Variants in ATG7 observed in about 807,000 individuals in gnomAD.
ATG7 encodes autophagy related 7.
Under a neutral mutation model 82.4 loss-of-function variants are expected in ATG7, and 70 were observed. The ratio of observed to expected loss-of-function variants is 0.85; its 90% CI spans 0.70 to 1.04. The LOEUF (loss-of-function observed/expected upper bound fraction) is 1.04, where lower values mean the gene tolerates loss of function less well. ATG7 is among the 50% of genes least tolerant of loss of function. The pLI, the probability that ATG7 is intolerant of heterozygous loss-of-function variation, is 0.00. For synonymous variants in ATG7, 287 were observed against 313.0 expected, an observed-to-expected ratio of 0.92 and a Z score of 0.88; for missense variants, 792 against 864.3, an observed-to-expected ratio of 0.92 and a Z score of 1.05.
At chr3:11,575,008 A>G in the ATG7 span, among the ~76,000 whole-genome samples, 1 of 152,160 alleles carries the variant, frequency 6.6e-6, no homozygotes, top group Non-Finnish European at 1.5e-5. Context: ...ATAAAGCCGC[A>G]GATCTTTTCA....
chr3:11,437,933 G>A (rs999259811), intron 20 of ATG7, among the ~76,000 whole-genome samples: 6 of 152,078 alleles, frequency 3.9e-5, no homozygotes, highest in African/African-American at 1.4e-4. Flanking sequence ...GTACATGTCC[G>A]AATTTTCCCA....
At chr3:11,317,627 C>G (rs913957223) in intron 9 of ATG7, among the ~76,000 whole-genome samples, 4 of 127,150 alleles carry the variant, frequency 3.1e-5, no homozygotes, top group African/African-American at 1.2e-4. Context: ...GAGTCTTGCT[C>G]TGTCGCCCAG....
At chr3:11,512,059 G>C (rs968202220) in intron 20 of ATG7, among the ~76,000 whole-genome samples, 1 of 152,192 alleles carries the variant, frequency 6.6e-6, no homozygotes, top group Non-Finnish European at 1.5e-5. Context: ...GCAGTGGGGG[G>C]CTGAAGGGCT....
chr3:11,514,744 C>T (rs1385251376), intron 20 of ATG7, among the ~76,000 whole-genome samples: 1 of 152,200 alleles, frequency 6.6e-6, no homozygotes, highest in Admixed American at 6.5e-5. Flanking sequence ...TTAATCAATC[C>T]CCTGGCACAG....
chr3:11,438,492 G>C (rs898335604), intron 20 of ATG7, among the ~76,000 whole-genome samples: 21 of 152,232 alleles, frequency 1.4e-4, no homozygotes, highest in Middle Eastern at 3.4e-3. Context: ...CTTGAACCCG[G>C]GAGGTGGAGG....
intron 11 of ATG7, among the ~76,000 whole-genome samples, chr3:11,333,630 A>ATGTG (rs755869656): frequency 1.3e-5 from 2 of 150,702 alleles, no homozygotes; most frequent in Non-Finnish European, 2.9e-5. Context: ...AGAGAGATAT[A>ATGTG]TGTGTGTGTG....
At chr3:11,475,868 G>GACACACACACACACACACACACACACAC (rs3219674) in intron 20 of ATG7, among the ~76,000 whole-genome samples, 4 of 111,128 alleles carry the variant, frequency 3.6e-5, no homozygotes, top group African/African-American at 3.6e-5. Flanking sequence ...CTGTCTCTGA[G>GACACACACACACACACACACACACACAC]ACACACACAC....
chr3:11,566,153 C>A, the ATG7 span, among the ~76,000 whole-genome samples: 2 of 152,218 alleles, frequency 1.3e-5, 1 homozygote, highest in Admixed American at 1.3e-4. Context: ...GTTACACACA[C>A]AATGAATGTT....
chr3:11,417,303 C>G (rs1385679046), intron 19 of ATG7, among the ~76,000 whole-genome samples: 4 of 152,186 alleles, frequency 2.6e-5, no homozygotes, highest in African/African-American at 9.7e-5. Flanking sequence ...GTAGATTCGT[C>G]TATTTCTTCT....
chr3:11,276,042 A>G (rs767853128), intron 1 of ATG7, among the ~76,000 whole-genome samples: 14 of 152,142 alleles, frequency 9.2e-5, no homozygotes, highest in East Asian at 1.9e-4. Context: ...TTTTGACACT[A>G]TTACACTAGT....
chr3:11,564,750 C>T, the ATG7 span: 1 of 1,531,236 alleles, frequency 6.5e-7, no homozygotes, highest in Non-Finnish European at 8.7e-7. Context: ...CAGCCCAGTC[C>T]CCCAGCCCCT....
chr3:11,339,092 CA>C (rs1953033454), intron 11 of ATG7, among the ~76,000 whole-genome samples: 1 of 151,942 alleles, frequency 6.6e-6, no homozygotes, highest in Non-Finnish European at 1.5e-5. Context: ...GTCAGGAGAT[CA>C]AGACCATCCT....
At chr3:11,436,015 G>C (rs991547184) in intron 20 of ATG7, among the ~76,000 whole-genome samples, 1 of 152,086 alleles carries the variant, frequency 6.6e-6, no homozygotes, top group Non-Finnish European at 1.5e-5. Flanking sequence ...TGAGTGTATC[G>C]TTTGAGCCCA....
chr3:11,360,597 C>T lies in ATG7; in HGVS notation c.1496C>T (p.Ala499Val). 1 of 1,613,780 alleles carries T rather than the reference C, an allele frequency of 6.2e-7. No individual in the cohort carries two copies. Among genetic ancestry groups the T allele is most frequent in the Middle Eastern group, 1.7e-4 (1 of 5,804 alleles). The change falls in exon 16 of 21, where the codon GCT becomes GTT. Residue 499 changes from alanine (A) to valine (V), a missense_variant. Coordinates refer to ENST00000693202, the MANE Select transcript of ATG7 (RefSeq NM_001349232.2). ...ASKRKLVINA[A>V]LGFDTFVVMR... Reference sequence around the variant, plus strand: ...AACCTGCAGCTGGTCATCAATGCTGCTTTGGGATTTGACACATTTGTTGTC... The same window carrying T: ...AACCTGCAGCTGGTCATCAATGCTGTTTTGGGATTTGACACATTTGTTGTC...
the ATG7 span, chr3:11,568,783 G>A: frequency 1.4e-6 from 2 of 1,471,916 alleles, no homozygotes; most frequent in Non-Finnish European, 1.8e-6. The surrounding 1 kb of genome is among the most constrained non-coding windows in gnomAD (Gnocchi z 5.9). Context: ...CTCCTGGTCA[G>A]GACTGTGCCC....
intron 20 of ATG7, among the ~76,000 whole-genome samples, chr3:11,488,885 C>T (rs940962847): frequency 8.5e-5 from 13 of 152,136 alleles, no homozygotes; most frequent in Non-Finnish European, 1.6e-4. Context: ...GTGTCTCTGC[C>T]AGGCTTTGGT....
intron 20 of ATG7, among the ~76,000 whole-genome samples, chr3:11,429,668 C>CT (rs2082688445): frequency 6.6e-6 from 1 of 151,696 alleles, no homozygotes; most frequent in Non-Finnish European, 1.5e-5. Flanking sequence ...ATACTCTGGG[C>CT]TGGGCATGGT....
intron 20 of ATG7, among the ~76,000 whole-genome samples, chr3:11,466,238 G>A (rs896507234): frequency 2.0e-5 from 3 of 152,146 alleles, no homozygotes; most frequent in Non-Finnish European, 4.4e-5. Flanking sequence ...ACTTGCCAGG[G>A]GCTTGAAGGA....
In ATG7 at chr3:11,557,655, T is replaced by C. The variant is rs1161349250; in HGVS notation, c.*2812T>C. Reference sequence around the variant, plus strand: ...CTGTAACTGACAAAAATAAACTAATTCTGAAAAGAAGATAGTAAGTATTAA... The same window carrying C: ...CTGTAACTGACAAAAATAAACTAATCCTGAAAAGAAGATAGTAAGTATTAA... On this transcript the variant is annotated 3_prime_UTR_variant, in exon 21 of 21. Transcript: ENST00000693202. The C allele has an allele frequency of 6.5e-6, 1 of 152,718 alleles. No individual in the cohort carries two copies. The highest frequency in any genetic ancestry group is 6.5e-5 in the Admixed American group (1 of 15,276). The allele number at this position is 152,718 out of a possible 1,614,324, so 9.5% of individuals were successfully genotyped here.
Sources: gnomAD v4.1 joint callset for allele counts (sites outside exome capture counted in the v4.1 genomes callset) on GRCh38, gnomAD v4.1.1 for gene constraint, Gnocchi (gnomAD v3.1) non-coding constraint, MANE v1.5 for transcripts, NCBI Gene and HGNC (gene_info 2026-07-23, HGNC 2026-07-21) for gene names.